JKAMP: variants seen among roughly 807,000 people sequenced by gnomAD.
JKAMP encodes JNK1/MAPK8 associated membrane protein, also known as JNK1/MAPK8-associated membrane protein.
JKAMP carries 20 observed loss-of-function variants against 40.2 expected under a neutral mutation model. The ratio of observed to expected loss-of-function variants is 0.50; its 90% CI spans 0.35 to 0.72. The LOEUF (loss-of-function observed/expected upper bound fraction) is 0.72. Ranked by LOEUF, JKAMP falls within the 30% of genes least tolerant of loss-of-function variation. The probability of loss-of-function intolerance (pLI) is 0.01; values close to 1 mark genes in which losing one functional copy is unlikely to be tolerated. For missense variants in JKAMP, 276 were observed against 373.0 expected (o/e 0.74, Z 2.14); for synonymous variants, 138 against 131.6 (o/e 1.05, Z -0.33).
In JKAMP at chr14:59,504,108, G is replaced by T. The variant is rs1274472581; in HGVS notation, c.*36G>T. The T allele has an allele frequency of 2.3e-6, 3 of 1,288,324 alleles. No homozygotes were observed. In the East Asian group the frequency reaches 6.9e-5, roughly 30 times the overall value. The allele number at this position is 1,288,324 out of a possible 1,614,324, so 79.8% of individuals were successfully genotyped here. On this transcript the variant is annotated 3_prime_UTR_variant, in exon 7 of 7. Coordinates refer to ENST00000616435, the MANE Select transcript of JKAMP (RefSeq NM_016475.5). ...GTGAAATGCCAAAAACCTGAGAAGT[G>T]CTCCTAATAAAAAAGTAAATCAATC... is the stretch of plus-strand genomic sequence containing the variant.
chr14:59,500,251 A>G (rs902399078), intron 5 of JKAMP, among the ~76,000 whole-genome samples: 1 of 152,232 alleles, frequency 6.6e-6, no homozygotes, highest in Non-Finnish European at 1.5e-5. Flanking sequence ...AGTTGGAATC[A>G]GGCCTGTATA....
intron 1 of JKAMP, 181 bp downstream of exon 1, chr14:59,484,774 C>A: frequency 1.1e-6 from 1 of 936,238 alleles, no homozygotes; most frequent in Non-Finnish European, 1.6e-6. Flanking sequence ...GGTCTGTCCG[C>A]AACGGGCTAC....
Position 59,503,883 on chromosome 14 carries a change from A to G in JKAMP, c.747A>G (p.Lys249=), listed in dbSNP as rs776915476. Residue 249 remains lysine, a synonymous_variant, in exon 7 of 7, where the codon AAA becomes AAG. Transcript: ENST00000616435. ...GCTATGATCTTCTGGTCAGAAAGAA[A>G]AGACTTATTGTTCTCTTCAGCCACT... ...ENCYDLLVRK[K]RLIVLFSHWL... 2.5e-6 allele frequency: 4 copies of G among 1,612,308 alleles called. No homozygotes were observed. The highest frequency in any genetic ancestry group is 2.7e-5 in the African/African-American group (2 of 74,912).
chr14:59,498,572 C>T, intron 4 of JKAMP, among the ~76,000 whole-genome samples, 155 bp from the exon 5 acceptor site: 1 of 152,154 alleles, frequency 6.6e-6, no homozygotes, highest in East Asian at 1.9e-4. Flanking sequence ...TGTATGACAG[C>T]CTGTTTGGCC....
intron 3 of JKAMP, among the ~76,000 whole-genome samples, chr14:59,490,504 G>A (rs1434188638): frequency 1.3e-5 from 2 of 152,184 alleles, no homozygotes; most frequent in African/African-American, 4.8e-5. Context: ...AATTTCTGTG[G>A]AGGGTAGGTA....
chr14:59,494,121 G>GGTGTGTGTGTGTGT (rs55831018), intron 3 of JKAMP, among the ~76,000 whole-genome samples: 35 of 151,072 alleles, frequency 2.3e-4, no homozygotes, highest in African/African-American at 8.3e-4. Flanking sequence ...AGAAAATTTG[G>GGTGTGTGTGTGTGT]GTGTGTGTGT....
chr14:59,502,274 A>G (rs921895599), intron 6 of JKAMP, among the ~76,000 whole-genome samples: 9 of 152,192 alleles, frequency 5.9e-5, no homozygotes, highest in African/African-American at 2.2e-4. Flanking sequence ...TCTAAGGCCA[A>G]ACTCTAGAGG....
chr14:59,501,350 T>A, intron 6 of JKAMP, 83 bp downstream of exon 6: 1 of 809,854 alleles, frequency 1.2e-6, no homozygotes, highest in Non-Finnish European at 2.0e-6. Context: ...TGATATGATA[T>A]AGTACAACTA....
chr14:59,486,990 C>A (rs190043260), intron 2 of JKAMP, among the ~76,000 whole-genome samples, 186 bp downstream of exon 2: 36 of 152,240 alleles, frequency 2.4e-4, no homozygotes, highest in Non-Finnish European at 1.8e-4. Flanking sequence ...CACTTGAGGT[C>A]AGGAGTTCGA....
intron 4 of JKAMP, among the ~76,000 whole-genome samples, chr14:59,496,357 C>G (rs904250670): frequency 6.6e-5 from 10 of 151,598 alleles, no homozygotes; most frequent in African/African-American, 2.4e-4. Context: ...TAATTACCCT[C>G]TTGTCATATA....
intron 6 of JKAMP, among the ~76,000 whole-genome samples, chr14:59,502,761 T>TTTTCTTTGTTTTTG (rs1892015368): frequency 2.2e-5 from 1 of 45,282 alleles, no homozygotes; most frequent in Non-Finnish European, 4.4e-5. Flanking sequence ...TTTTTTTTTT[T>TTTTCTTTGTTTTTG]TTTTTTTTTT....
chr14:59,494,702 A>G (rs1458069025), intron 3 of JKAMP, among the ~76,000 whole-genome samples: 1 of 152,090 alleles, frequency 6.6e-6, no homozygotes, highest in Non-Finnish European at 1.5e-5. Flanking sequence ...TATACTTTCT[A>G]ACAAACACGT....
chr14:59,493,895 T>C (rs1407329484), intron 3 of JKAMP, among the ~76,000 whole-genome samples: 1 of 151,966 alleles, frequency 6.6e-6, no homozygotes, highest in African/African-American at 2.4e-5. Context: ...ACACAGACAA[T>C]TATATATGAA....
chr14:59,494,205 AAAT>A (rs1421079449), intron 3 of JKAMP, among the ~76,000 whole-genome samples: 1 of 150,436 alleles, frequency 6.6e-6, no homozygotes, highest in African/African-American at 2.5e-5. Flanking sequence ...GTAGAAAAAA[AAAT>A]AAAAGCCTGG....
In JKAMP at chr14:59,504,304, C is replaced by T. The variant is rs141516232; in HGVS notation, c.*232C>T. Reference sequence around the variant, plus strand: ...AATATTATCTGCTACACTGGAAGGCCGCTAGGAAGCCCTTGCTTCTCTCAA... The same window carrying T: ...AATATTATCTGCTACACTGGAAGGCTGCTAGGAAGCCCTTGCTTCTCTCAA... On this transcript the variant is annotated 3_prime_UTR_variant, in exon 7 of 7. Coordinates refer to ENST00000616435, the MANE Select transcript of JKAMP (RefSeq NM_016475.5). The T allele has an allele frequency of 6.6e-4, 321 of 486,550 alleles. 2 individuals are homozygous for T. Among genetic ancestry groups the T allele is most frequent in the African/African-American group, 5.8e-3 (296 of 51,268 alleles). The allele number at this position is 486,550 out of a possible 1,614,324, so 30.1% of individuals were successfully genotyped here.
At chr14:59,489,100 T>G (rs1371556036) in intron 3 of JKAMP, among the ~76,000 whole-genome samples, 1 of 152,268 alleles carries the variant, frequency 6.6e-6, no homozygotes, top group Non-Finnish European at 1.5e-5. Context: ...CTGTACAGCC[T>G]GGTTGAATTC....
chr14:59,503,711 T>A, intron 6 of JKAMP, 143 bp from the exon 7 acceptor site: 1 of 614,326 alleles, frequency 1.6e-6, no homozygotes. Context: ...GACTGAGTGA[T>A]TTCTTAAGTC....
At chr14:59,485,419 A>G (rs1890470776) in intron 1 of JKAMP, 1 of 288,324 alleles carries the variant, frequency 3.5e-6, no homozygotes, top group Admixed American at 5.1e-5. Flanking sequence ...AAAATATTAA[A>G]CTGGAGGAAT....
At chr14:59,488,956 C>T (rs574064603) in intron 3 of JKAMP, among the ~76,000 whole-genome samples, 27 of 152,356 alleles carry the variant, frequency 1.8e-4, no homozygotes, top group African/African-American at 6.3e-4. Context: ...TCTATTCTTT[C>T]CTTCTAGGCC....
Sources: allele counts gnomAD v4.1 joint callset (sites outside exome capture counted in the v4.1 genomes callset), GRCh38; gene constraint gnomAD v4.1.1; transcripts MANE v1.5; gene names NCBI Gene and HGNC (gene_info 2026-07-23, HGNC 2026-07-21).